SBF2: variants seen among roughly 807,000 people sequenced by gnomAD.
SBF2 encodes myotubularin-related protein 13.
SBF2 carries 112 observed loss-of-function variants against 225.2 expected under a neutral mutation model. That is an observed-to-expected ratio of 0.50 (90% confidence interval 0.43 to 0.58). The LOEUF (loss-of-function observed/expected upper bound fraction) is 0.58, where lower values mean the gene tolerates loss of function less well. Among genes scored for constraint, SBF2 ranks in the 20% least tolerant of loss-of-function variants. The pLI, the probability that SBF2 is intolerant of heterozygous loss-of-function variation, is 0.00. For missense variants in SBF2, 1,996 were observed against 2,206.2 expected, an observed-to-expected ratio of 0.90 and a Z score of 1.91; for synonymous variants, 763 against 773.3, an observed-to-expected ratio of 0.99 and a Z score of 0.22.
intron 4 of SBF2, among the ~76,000 whole-genome samples, chr11:10,030,450 T>C (rs925668883): frequency 2.0e-5 from 3 of 152,184 alleles, no homozygotes; most frequent in East Asian, 1.9e-4. Flanking sequence ...CGCATTGTCA[T>C]TGAAATCTTG....
chr11:9,962,692 C>G (rs1197253344), intron 15 of SBF2, among the ~76,000 whole-genome samples: 2 of 152,152 alleles, frequency 1.3e-5, no homozygotes, highest in Non-Finnish European at 2.9e-5. Context: ...TTACAACAGG[C>G]ACATCCATAA....
chr11:9,907,847 A>C (rs2134173708), intron 16 of SBF2, among the ~76,000 whole-genome samples: 1 of 152,372 alleles, frequency 6.6e-6, no homozygotes, highest in East Asian at 1.9e-4. Context: ...TTTAATCTTC[A>C]CAACATCTCG....
chr11:10,054,449 T>G (rs1455071937), intron 2 of SBF2, among the ~76,000 whole-genome samples: 1 of 152,206 alleles, frequency 6.6e-6, no homozygotes, highest in Non-Finnish European at 1.5e-5. Context: ...ACTTCTAAGT[T>G]TTGAATATTT....
chr11:10,112,309 G>A (rs1952911431), intron 2 of SBF2, among the ~76,000 whole-genome samples: 1 of 152,212 alleles, frequency 6.6e-6, no homozygotes, highest in East Asian at 1.9e-4. Flanking sequence ...CCAGCAGGAG[G>A]TGACTGAATT....
intron 2 of SBF2, among the ~76,000 whole-genome samples, chr11:10,171,012 T>C (rs1956160969): frequency 6.6e-6 from 1 of 151,122 alleles, no homozygotes. Context: ...TTTATTCAAT[T>C]TGTTCATCAG....
rs1390786059 is a variant in SBF2, at chr11:9,850,014, G to A, written c.2806+9C>T. On this transcript the variant is annotated intron_variant, in intron 22 of 39. Transcript: ENST00000256190. ...GATACCCATGTTCTGATGGCATATC[G>A]AGTCATACCTAACTGATCATGGGGT... 6.8e-6 allele frequency: 11 copies of A among 1,611,940 alleles called. No individual in the cohort carries two copies. Among genetic ancestry groups the A allele is most frequent in the South Asian group, 4.4e-5 (4 of 90,916 alleles).
At chr11:10,224,228 G>GA in intron 1 of SBF2, among the ~76,000 whole-genome samples, 1 of 151,912 alleles carries the variant, frequency 6.6e-6, no homozygotes. Context: ...TATAGTTATT[G>GA]AAAAAAGATC....
At chr11:10,120,842 A>C (rs11042634) in intron 2 of SBF2, among the ~76,000 whole-genome samples, 5,575 of 152,078 alleles carry the variant, frequency 0.037, 337 homozygotes, top group East Asian at 0.19. Context: ...CTGGTCTCGA[A>C]CTCCTGACCT....
intron 16 of SBF2, among the ~76,000 whole-genome samples, chr11:9,919,962 C>T (rs1352226429): frequency 6.6e-6 from 1 of 151,870 alleles, no homozygotes; most frequent in African/African-American, 2.4e-5. Context: ...GAACTCCTGA[C>T]CTCAGGTGAT....
intron 1 of SBF2, among the ~76,000 whole-genome samples, chr11:10,288,591 C>T (rs758266056): frequency 3.3e-5 from 5 of 151,946 alleles, no homozygotes; most frequent in Non-Finnish European, 7.4e-5. Flanking sequence ...GCAGAGAGGT[C>T]CTAGACTAGA....
chr11:9,946,953 C>T (rs1344744576), intron 16 of SBF2, among the ~76,000 whole-genome samples: 2 of 152,132 alleles, frequency 1.3e-5, no homozygotes, highest in Non-Finnish European at 2.9e-5. Flanking sequence ...AAGAGTATTA[C>T]TTAAGGAATT....
At chr11:10,274,770 A>G (rs1390114733) in intron 1 of SBF2, among the ~76,000 whole-genome samples, 1 of 150,620 alleles carries the variant, frequency 6.6e-6, no homozygotes, top group Non-Finnish European at 1.5e-5. Context: ...AAAAAAAAAG[A>G]AAGAATTAGA....
chr11:10,206,166 C>T (rs528714661), intron 1 of SBF2, among the ~76,000 whole-genome samples: 1 of 151,404 alleles, frequency 6.6e-6, no homozygotes, highest in Non-Finnish European at 1.5e-5. Flanking sequence ...GTCCCCTCCC[C>T]CACCAAGAGA....
intron 1 of SBF2, among the ~76,000 whole-genome samples, chr11:10,302,289 C>CT (rs1278999660): frequency 6.6e-6 from 1 of 152,198 alleles, no homozygotes; most frequent in Non-Finnish European, 1.5e-5. Flanking sequence ...AACTCCTTAT[C>CT]TTTTTTCGAC....
chr11:10,264,382 AG>A (rs1156308104), intron 1 of SBF2, among the ~76,000 whole-genome samples: 1 of 152,176 alleles, frequency 6.6e-6, no homozygotes, highest in African/African-American at 2.4e-5. Context: ...AAGATTATAT[AG>A]GGAGATGCAT....
chr11:9,837,330 A>C (rs1364172111), intron 26 of SBF2, among the ~76,000 whole-genome samples: 1 of 152,248 alleles, frequency 6.6e-6, no homozygotes, highest in African/African-American at 2.4e-5. Context: ...TTTTGCTGAG[A>C]GCTTTTTTCT....
chr11:9,839,915 A>C (rs1183105628), intron 25 of SBF2, among the ~76,000 whole-genome samples: 1 of 152,222 alleles, frequency 6.6e-6, no homozygotes, highest in Non-Finnish European at 1.5e-5. Flanking sequence ...ATATTGAAGA[A>C]ATGATTAGCT....
intron 16 of SBF2, among the ~76,000 whole-genome samples, chr11:9,922,061 A>T (rs1176127866): frequency 6.6e-6 from 1 of 151,996 alleles, no homozygotes; most frequent in Non-Finnish European, 1.5e-5. Flanking sequence ...AGCCTGGGCA[A>T]CATAGTGGGA....
intron 17 of SBF2, among the ~76,000 whole-genome samples, chr11:9,871,682 G>A (rs11042521): frequency 3.3e-5 from 5 of 151,682 alleles, no homozygotes; most frequent in Non-Finnish European, 1.5e-5. Flanking sequence ...TAGTTGAGAC[G>A]GGGTTTCACC....
Sources: gnomAD v4.1 joint callset for allele counts (sites outside exome capture counted in the v4.1 genomes callset) on GRCh38, gnomAD v4.1.1 for gene constraint, MANE v1.5 for transcripts, NCBI Gene and HGNC (gene_info 2026-07-23, HGNC 2026-07-21) for gene names.